CD81: variants seen among roughly 807,000 people sequenced by gnomAD.
CD81 encodes the protein CD81 molecule, also known as CD81 antigen.
A neutral mutation model predicts 30.1 loss-of-function variants in CD81; 10 were observed. That is an observed-to-expected ratio of 0.33 (90% CI 0.21 to 0.56). The LOEUF (loss-of-function observed/expected upper bound fraction) is 0.56, where lower values mean the gene tolerates loss of function less well. Ranked by LOEUF, CD81 falls within the 20% of genes least tolerant of loss-of-function variation. The pLI is 0.89. For synonymous variants in CD81, 147 were observed against 126.4 expected, an observed-to-expected ratio of 1.16 and a Z score of -1.10; for missense variants, 263 against 308.7, an observed-to-expected ratio of 0.85 and a Z score of 1.11.
intron 6 of CD81, 49 bp from the exon 7 acceptor site, chr11:2,396,579 G>A (rs371656326): frequency 4.5e-5 from 66 of 1,475,484 alleles, no homozygotes; most frequent in Middle Eastern, 1.7e-4. Flanking sequence ...ACGGGAAGCC[G>A]GGAGCCGAGG....
intron 2 of CD81, chr11:2,392,305 C>T: frequency 6.6e-6 from 1 of 152,362 alleles, no homozygotes; most frequent in East Asian, 1.9e-4. Flanking sequence ...AGGGGACACC[C>T]CAGAGAGGTA....
intron 4 of CD81, 160 bp downstream of exon 4, chr11:2,395,206 G>A: frequency 1.4e-6 from 1 of 738,786 alleles, no homozygotes; most frequent in African/African-American, 1.7e-5. Flanking sequence ...TATGGAGGAG[G>A]CAGCATTGGG....
At chr11:2,394,820 C>G in intron 3 of CD81, 152 bp from the exon 4 acceptor site, 1 of 744,582 alleles carries the variant, frequency 1.3e-6, no homozygotes, top group Non-Finnish European at 2.4e-6. Context: ...TGCCCCAGGG[C>G]TCCACACAAG....
intron 1 of CD81, among the ~76,000 whole-genome samples, chr11:2,380,273 T>C (rs138333854): frequency 2.3e-3 from 352 of 151,592 alleles, no homozygotes; most frequent in African/African-American, 7.6e-3. Flanking sequence ...GGGGAGGAGG[T>C]TGACAATGGA....
chr11:2,397,073 T>G lies in CD81; in HGVS notation c.*207T>G. 1.6e-6 allele frequency: 1 copy of G among 617,302 alleles called. No homozygotes were observed. Among genetic ancestry groups the G allele is most frequent in the Non-Finnish European group, 2.9e-6 (1 of 342,682 alleles). 38.2% of individuals were successfully genotyped at this position (617,302 alleles called of 1,614,324 possible). A position where few individuals can be genotyped will look rare whatever the true frequency, so the allele number is the denominator to read the frequency against. The stretch of plus-strand genomic sequence containing the variant: ...GTCACATGTAGGTGGCGTGTATGAG[T>G]GGAGACGGGCCTGGGTCTTGGGGAC... On this transcript the variant is annotated 3_prime_UTR_variant, in exon 8 of 8. Coordinates refer to ENST00000263645, the MANE Select transcript of CD81 (RefSeq NM_004356.4).
In CD81 at chr11:2,396,627, G is replaced by A. The variant is rs1850012291; in HGVS notation, c.562-1G>A. The A allele has an allele frequency of 6.2e-7, 1 of 1,610,848 alleles. No individual in the cohort carries two copies. The highest frequency in any genetic ancestry group is 8.5e-7 in the Non-Finnish European group (1 of 1,179,926). ...CCACGCGTGCCTGGCCACCCCTGCAGGAGGACTGCCACCAGAAGATCGATG... is the reference window on the plus strand; with the variant it reads ...CCACGCGTGCCTGGCCACCCCTGCAAGAGGACTGCCACCAGAAGATCGATG... On this transcript the variant is annotated splice_acceptor_variant, in intron 6 of 7. Transcript: ENST00000263645. LOFTEE classifies it high-confidence loss of function.
chr11:2,392,769 G>C (rs1473508326), intron 2 of CD81: 2 of 152,380 alleles, frequency 1.3e-5, no homozygotes, highest in Non-Finnish European at 2.9e-5. Flanking sequence ...GAGACGCTGC[G>C]GGTGCGGTGG....
intron 6 of CD81, 200 bp from the exon 7 acceptor site, chr11:2,396,428 A>T (rs1189148794): frequency 1.6e-6 from 1 of 627,340 alleles, no homozygotes; most frequent in South Asian, 1.8e-5. Flanking sequence ...TTTCGCGTTT[A>T]TGTTAAAACG....
intron 1 of CD81, chr11:2,390,200 G>T: frequency 1.5e-6 from 1 of 646,216 alleles, no homozygotes; most frequent in Non-Finnish European, 2.8e-6. Context: ...GGCAGGGCCA[G>T]GCTCCAAGTA....
At chr11:2,392,442 A>C (rs1849915769) in intron 2 of CD81, 1 of 152,310 alleles carries the variant, frequency 6.6e-6, no homozygotes, top group African/African-American at 2.4e-5. Context: ...TCTGACCTGC[A>C]TGGTGTCACC....
At chr11:2,384,903 C>T (rs1849763921) in intron 1 of CD81, among the ~76,000 whole-genome samples, 1 of 152,138 alleles carries the variant, frequency 6.6e-6, no homozygotes, top group Non-Finnish European at 1.5e-5. Context: ...TGGTGAAAGG[C>T]ACTCAGCAGC....
rs1441827067 is a variant in CD81, at chr11:2,377,534, C to A, written c.-16C>A. The A allele has an allele frequency of 7.3e-7, 1 of 1,364,616 alleles. No individual in the cohort carries two copies. Among genetic ancestry groups the A allele is most frequent in the South Asian group, 1.3e-5 (1 of 76,870 alleles). 84.5% of individuals were successfully genotyped at this position (1,364,616 alleles called of 1,614,324 possible). On this transcript the variant is annotated 5_prime_UTR_variant, in exon 1 of 8. Coordinates refer to ENST00000263645, the MANE Select transcript of CD81 (RefSeq NM_004356.4). The surrounding 1 kb of genome is among the most constrained non-coding windows in gnomAD (Gnocchi z 7.7). The stretch of plus-strand genomic sequence containing the variant: ...ACCGGCCCGCGCCCCGCAGGCCGCC[C>A]GCCGCCCGCGCCGCCATGGGAGTGG...
upstream of CD81, among the ~76,000 whole-genome samples, chr11:2,376,668 T>C (rs569004739): frequency 2.0e-5 from 3 of 152,320 alleles, no homozygotes; most frequent in African/African-American, 7.2e-5. Flanking sequence ...TTCACACTGT[T>C]CTGGGAGCTG....
At chr11:2,387,399 T>G (rs1849816415) in intron 1 of CD81, among the ~76,000 whole-genome samples, 1 of 152,052 alleles carries the variant, frequency 6.6e-6, no homozygotes, top group African/African-American at 2.4e-5. Context: ...CAAAAGAAAA[T>G]AAGCAATGTT....
intron 6 of CD81, 50 bp downstream of exon 6, chr11:2,396,020 T>C: frequency 8.5e-7 from 1 of 1,174,112 alleles, no homozygotes; most frequent in Non-Finnish European, 1.2e-6. Context: ...GTCCCGCCCC[T>C]GGGTGGGGTC....
Position 2,377,710 on chromosome 11 carries a change from G to C in CD81, c.66+95G>C. 1 of 734,174 alleles carries C rather than the reference G, an allele frequency of 1.4e-6. No homozygotes were observed. The highest frequency in any genetic ancestry group is 2.4e-5 in the South Asian group (1 of 42,314). The allele number at this position is 734,174 out of a possible 1,614,324, so 45.5% of individuals were successfully genotyped here. A position where few individuals can be genotyped will look rare whatever the true frequency, so the allele number is the denominator to read the frequency against. ...CAGCGTGCTAGGCCCCGCGGGCGCA[G>C]CGCGGGCCGCGAAGTTGTGGGGCCA... On this transcript the variant is annotated intron_variant, in intron 1 of 7. Transcript: ENST00000263645. This position sits in a 1 kb window ranked among gnomAD's most constrained non-coding sequence, Gnocchi z 7.7.
At chr11:2,382,119 C>T (rs1279666423) in intron 1 of CD81, among the ~76,000 whole-genome samples, 1 of 152,224 alleles carries the variant, frequency 6.6e-6, no homozygotes, top group Non-Finnish European at 1.5e-5. Flanking sequence ...TGTGGAAGGT[C>T]AGCTGGCAGC....
intron 6 of CD81, 82 bp from the exon 7 acceptor site, chr11:2,396,546 T>C: frequency 8.4e-7 from 1 of 1,193,924 alleles, no homozygotes; most frequent in Admixed American, 1.7e-5. Context: ...CTTTCTGTGG[T>C]GACCACGGAT....
intron 2 of CD81, chr11:2,391,889 T>A (rs895482517): frequency 1.3e-5 from 2 of 152,016 alleles, no homozygotes; most frequent in African/African-American, 4.8e-5. Flanking sequence ...TCTCCAAGGG[T>A]GCATCTCTAC....
Sources: allele counts gnomAD v4.1 joint callset (sites outside exome capture counted in the v4.1 genomes callset), GRCh38; gene constraint gnomAD v4.1.1; non-coding constraint Gnocchi (gnomAD v3.1); transcripts MANE v1.5; gene names NCBI Gene and HGNC (gene_info 2026-07-23, HGNC 2026-07-21).